The following PHF14 variants were observed in gnomAD, a reference collection of about 807,000 sequenced individuals.
PHF14 encodes PHD finger protein 14.
PHF14 carries 55 observed loss-of-function variants against 117.9 expected under a neutral mutation model. The ratio of observed to expected loss-of-function variants is 0.47; its 90% CI spans 0.38 to 0.58. PHF14 has a LOEUF of 0.58. Ranked by LOEUF, PHF14 falls within the 20% of genes least tolerant of loss-of-function variation. PHF14 has a pLI of 0.00. For synonymous variants in PHF14, 409 were observed against 368.6 expected, an observed-to-expected ratio of 1.11 and a Z score of -1.26; for missense variants, 978 against 1,122.2, an observed-to-expected ratio of 0.87 and a Z score of 1.84.
chr7:11,053,474 C>T lies in PHF14; in HGVS notation c.2481+1694C>T, dbSNP rs541511390. ...AGAGACTTTTCCTTTGTTAAATAAG[C>T]CGGCTAGTTTCTATTTCTAAAATAT... On this transcript the variant is annotated intron_variant, in intron 14 of 17. Transcript: ENST00000634607. 2.6e-5 allele frequency among the ~76,000 whole-genome samples: 4 copies of T among 152,022 alleles called. 1 individual carries two copies. In the South Asian group the frequency reaches 8.3e-4, roughly 32 times the overall value.
chr7:11,155,764 T>G (rs1316628429), intron 17 of PHF14, among the ~76,000 whole-genome samples: 1 of 151,024 alleles, frequency 6.6e-6, no homozygotes, highest in African/African-American at 2.4e-5. Context: ...TATACAATGT[T>G]TTTTTTTTGT....
intron 2 of PHF14, among the ~76,000 whole-genome samples, chr7:10,978,699 C>T (rs1005883022): frequency 2.6e-5 from 4 of 152,140 alleles, no homozygotes; most frequent in Non-Finnish European, 4.4e-5. Flanking sequence ...ACAACCTTTT[C>T]CTCTACTAGA....
At chr7:11,010,870 A>T (rs1583362297) in intron 4 of PHF14, among the ~76,000 whole-genome samples, 2 of 151,980 alleles carry the variant, frequency 1.3e-5, no homozygotes, top group Non-Finnish European at 2.9e-5. Flanking sequence ...GCCCAGGCTG[A>T]TCTGAAACTC....
At chr7:11,016,310 C>G (rs931269303) in intron 5 of PHF14, among the ~76,000 whole-genome samples, 2 of 151,842 alleles carry the variant, frequency 1.3e-5, no homozygotes, top group Admixed American at 6.6e-5. Flanking sequence ...TTCGAGAAGC[C>G]TTTTAGTATA....
intron 16 of PHF14, chr7:11,105,301 G>T (rs1787221659): frequency 3.2e-6 from 3 of 944,690 alleles, no homozygotes; most frequent in South Asian, 9.8e-5. Flanking sequence ...GTTAAAAATA[G>T]ACTGCTGACC....
intron 17 of PHF14, among the ~76,000 whole-genome samples, chr7:11,164,511 C>T (rs1789143569): frequency 6.6e-6 from 1 of 152,142 alleles, no homozygotes; most frequent in Admixed American, 6.5e-5. Context: ...GTAGAGGCTA[C>T]AGGTGCCTTG....
intron 16 of PHF14, chr7:11,107,527 A>G (rs1583471436): frequency 1.1e-6 from 1 of 886,362 alleles, no homozygotes; most frequent in Admixed American, 6.3e-5. Context: ...TATAGTGTTA[A>G]TGTGTACAGT....
intron 4 of PHF14, among the ~76,000 whole-genome samples, chr7:11,001,882 T>C (rs1414671161): frequency 6.6e-6 from 1 of 152,200 alleles, no homozygotes; most frequent in Non-Finnish European, 1.5e-5. Flanking sequence ...TATTACCTGA[T>C]GTTGAAAGCA....
chr7:11,166,769 T>C (rs960042606), intron 17 of PHF14, among the ~76,000 whole-genome samples: 2 of 152,186 alleles, frequency 1.3e-5, no homozygotes, highest in Non-Finnish European at 1.5e-5. Context: ...TTGGCTCTTA[T>C]TTGTTATATA....
intron 4 of PHF14, among the ~76,000 whole-genome samples, chr7:11,002,000 A>G (rs1372589404): frequency 2.0e-5 from 3 of 151,058 alleles, no homozygotes; most frequent in African/African-American, 7.3e-5. Flanking sequence ...TAGTTTCTTT[A>G]TGCTCTAGTT....
intron 16 of PHF14, 88 bp downstream of exon 16, chr7:11,062,173 G>A: frequency 9.2e-7 from 1 of 1,089,522 alleles, no homozygotes; most frequent in South Asian, 1.8e-5. Context: ...AACAATTGCA[G>A]GATAAGACCT....
intron 17 of PHF14, among the ~76,000 whole-genome samples, chr7:11,144,845 A>C (rs1204705397): frequency 6.6e-6 from 1 of 151,842 alleles, no homozygotes; most frequent in Non-Finnish European, 1.5e-5. Flanking sequence ...ATAGCCAGTC[A>C]CAAAAAGACA....
At chr7:11,006,537 G>T (rs1783106681) in intron 4 of PHF14, 2 of 580,022 alleles carry the variant, frequency 3.4e-6, no homozygotes, top group East Asian at 8.6e-5. Flanking sequence ...CTCCTTCACA[G>T]CCTGTTTGAT....
intron 4 of PHF14, among the ~76,000 whole-genome samples, chr7:11,003,279 C>T (rs1782947833): frequency 6.6e-6 from 1 of 152,182 alleles, no homozygotes; most frequent in Admixed American, 6.5e-5. Context: ...AATAGCAGGA[C>T]TCTCTGAGAT....
chr7:11,136,233 G>C (rs537409223), intron 17 of PHF14, among the ~76,000 whole-genome samples: 8 of 152,190 alleles, frequency 5.3e-5, no homozygotes, highest in Admixed American at 3.9e-4. Context: ...ATTGTATGCC[G>C]TGGTGGGATG....
At chr7:10,999,703 G>A (rs752928882) in intron 4 of PHF14, among the ~76,000 whole-genome samples, 42 of 152,078 alleles carry the variant, frequency 2.8e-4, no homozygotes, top group African/African-American at 9.4e-4. Flanking sequence ...GAATAGCCTC[G>A]GTACTGGAAA....
intron 4 of PHF14, among the ~76,000 whole-genome samples, chr7:11,003,283 C>G (rs1224991647): frequency 6.6e-6 from 1 of 152,190 alleles, no homozygotes. Context: ...GCAGGACTCT[C>G]TGAGATCCCA....
chr7:11,041,906 A>C (rs1027838179), intron 12 of PHF14, among the ~76,000 whole-genome samples: 2 of 151,710 alleles, frequency 1.3e-5, no homozygotes, highest in Non-Finnish European at 3.0e-5. Context: ...ATTTAAAAAA[A>C]AAACCTAACC....
At chr7:11,010,643 T>C (rs1468887694) in intron 4 of PHF14, among the ~76,000 whole-genome samples, 1 of 152,048 alleles carries the variant, frequency 6.6e-6, no homozygotes, top group Non-Finnish European at 1.5e-5. Context: ...TACATATATA[T>C]ATACACACAC....
Sources: allele counts gnomAD v4.1 joint callset (sites outside exome capture counted in the v4.1 genomes callset), GRCh38; gene constraint gnomAD v4.1.1; transcripts MANE v1.5; gene names NCBI Gene and HGNC (gene_info 2026-07-23, HGNC 2026-07-21).